The following HHIP variants were observed in gnomAD, a reference collection of about 807,000 sequenced individuals.
HHIP encodes hedgehog interacting protein.
HHIP carries 12 observed loss-of-function variants against 74.0 expected under a neutral mutation model. The observed-to-expected ratio is 0.16, with a 90% CI of 0.10 to 0.26. The LOEUF is 0.26. HHIP is among the 10% of genes least tolerant of loss of function. The pLI is 1.00. For missense variants in HHIP, 788 were observed against 845.0 expected (o/e 0.93, Z 0.84); for synonymous variants, 309 against 311.6 (o/e 0.99, Z 0.09).
rs112582092 is a variant in HHIP at position 144,729,601 on chromosome 4, T to C, written c.1761-5140T>C. Among the ~76,000 whole-genome samples, 1,047 of 152,302 alleles carry C rather than the reference T, an allele frequency of 6.9e-3. 15 individuals are homozygous for C. Among genetic ancestry groups the C allele is most frequent in the African/African-American group, 0.024 (998 of 41,564 alleles). On this transcript the variant is annotated intron_variant, in intron 11 of 12. Transcript: ENST00000296575. ...TCTGTGGAATGAGGATTTTGACTTATCAATTTTTCCTAACTCATGAGAATG... is the reference window on the plus strand; with the variant it reads ...TCTGTGGAATGAGGATTTTGACTTACCAATTTTTCCTAACTCATGAGAATG...
intron 2 of HHIP, among the ~76,000 whole-genome samples, chr4:144,656,416 T>G (rs187098554): frequency 2.8e-4 from 43 of 152,328 alleles, no homozygotes; most frequent in African/African-American, 1.0e-3. Context: ...TCTTTAGATA[T>G]TCCGTTTGAA....
At chr4:144,723,302 C>T (rs536579404) in intron 11 of HHIP, among the ~76,000 whole-genome samples, 76 of 152,274 alleles carry the variant, frequency 5.0e-4, no homozygotes, top group African/African-American at 1.8e-3. Context: ...TATCCCCAAT[C>T]TCCTCTGTGA....
chr4:144,724,940 G>A (rs952539950), intron 11 of HHIP, among the ~76,000 whole-genome samples: 17 of 151,838 alleles, frequency 1.1e-4, no homozygotes, highest in African/African-American at 4.1e-4. Context: ...AATGTGAATG[G>A]TGAAGAATAT....
chr4:144,684,170 C>T (rs1729417782), intron 4 of HHIP, among the ~76,000 whole-genome samples: 1 of 141,528 alleles, frequency 7.1e-6, no homozygotes, highest in Non-Finnish European at 1.5e-5. Context: ...GTCAGGAGTT[C>T]GAGACCATCC....
chr4:144,687,282 G>C (rs1353005462), intron 4 of HHIP, among the ~76,000 whole-genome samples: 1 of 152,120 alleles, frequency 6.6e-6, no homozygotes, highest in East Asian at 1.9e-4. Context: ...GAGAGTTTTG[G>C]AGTACAGGAG....
At chr4:144,709,746 C>T (rs1054520787) in intron 7 of HHIP, among the ~76,000 whole-genome samples, 69 of 152,054 alleles carry the variant, frequency 4.5e-4, no homozygotes, top group African/African-American at 1.6e-3. Flanking sequence ...CACCATCAGC[C>T]CCACTTCTCC....
chr4:144,719,427 C>A (rs2126671281), intron 11 of HHIP, among the ~76,000 whole-genome samples: 1 of 152,308 alleles, frequency 6.6e-6, no homozygotes, highest in Middle Eastern at 3.4e-3. Flanking sequence ...TGAAAGCTTG[C>A]AGTGCTCATG....
At position 144,718,885 on chromosome 4, in the gene HHIP, C is replaced by T. The variant is rs780144984; in HGVS notation, c.1689C>T (p.Tyr563=). ...TTCTTTCTTTAACAGGTGAAGTTTA[C>T]ATTTTATCAAGCAGTAAAAGTATGA... ...GFGEDELGEV[Y]ILSSSKSMTQ... The change falls in exon 11 of 13, where the codon TAC becomes TAT. Residue 563 remains tyrosine (Y), a synonymous_variant. Coordinates refer to ENST00000296575, the MANE Select transcript of HHIP (RefSeq NM_022475.3). 38 of 1,605,416 alleles carry T rather than the reference C, an allele frequency of 2.4e-5. No homozygotes were observed. In the Admixed American group the frequency reaches 6.0e-4, roughly 25 times the overall value.
rs34173170 is a variant in HHIP at position 144,721,594 on chromosome 4, GAA to G, written c.1760+2655_1760+2656del. Among the ~76,000 whole-genome samples the G allele has an allele frequency of 3.7e-3, 482 of 130,256 alleles. 4 individuals carry two copies. The highest frequency in any genetic ancestry group is 0.011 in the African/African-American group (389 of 34,144). 85.5% of individuals were successfully genotyped at this position (130,256 alleles called of 152,430 possible). ...GCCTAGAACTCAGGAGTTATTTAAG[GAA>G]AAAAAAAAAAAAAAAACTTCCAGGC... On this transcript the variant is annotated intron_variant, in intron 11 of 12. Transcript: ENST00000296575.
intron 4 of HHIP, among the ~76,000 whole-genome samples, chr4:144,682,458 G>A (rs1319668472): frequency 6.6e-6 from 1 of 152,142 alleles, no homozygotes; most frequent in Non-Finnish European, 1.5e-5. Flanking sequence ...AAGTAAAAGA[G>A]TATTTCAGGG....
intron 4 of HHIP, among the ~76,000 whole-genome samples, chr4:144,664,243 G>T (rs913265735): frequency 2.0e-5 from 3 of 152,196 alleles, no homozygotes; most frequent in Non-Finnish European, 4.4e-5. Flanking sequence ...GCTGCTAATT[G>T]TCCGGGTGAC....
At chr4:144,695,252 G>A (rs1297827576) in intron 4 of HHIP, among the ~76,000 whole-genome samples, 1 of 151,660 alleles carries the variant, frequency 6.6e-6, no homozygotes, top group African/African-American at 2.4e-5. Flanking sequence ...AACATAAATA[G>A]TATTTCCTTT....
At chr4:144,682,480 T>A (rs986092855) in intron 4 of HHIP, among the ~76,000 whole-genome samples, 2 of 152,224 alleles carry the variant, frequency 1.3e-5, no homozygotes, top group Non-Finnish European at 2.9e-5. Context: ...CTGTAATATA[T>A]GGGAAATCTC....
At chr4:144,647,106 T>C in intron 1 of HHIP, 152 bp downstream of exon 1, 1 of 635,338 alleles carries the variant, frequency 1.6e-6, no homozygotes, top group East Asian at 2.8e-5. Flanking sequence ...CGTGATTCCG[T>C]TGTGTGTTCC....
chr4:144,719,061 T>G (rs1160845698), intron 11 of HHIP, 105 bp downstream of exon 11: 2 of 749,628 alleles, frequency 2.7e-6, no homozygotes, highest in Non-Finnish European at 4.7e-6. Context: ...TCAGCCAAGA[T>G]GTACACTTTT....
intron 4 of HHIP, among the ~76,000 whole-genome samples, chr4:144,678,698 C>T (rs1251521708): frequency 6.6e-6 from 1 of 152,110 alleles, no homozygotes; most frequent in Non-Finnish European, 1.5e-5. Context: ...CAGCTTCATC[C>T]ATGTCCCTGC....
intron 11 of HHIP, among the ~76,000 whole-genome samples, chr4:144,726,279 C>A (rs1441539512): frequency 6.6e-6 from 1 of 151,618 alleles, no homozygotes; most frequent in Non-Finnish European, 1.5e-5. Context: ...AGATATAATC[C>A]AAGATTTCTG....
chr4:144,729,680 T>G (rs1468238281), intron 11 of HHIP, among the ~76,000 whole-genome samples: 3 of 152,306 alleles, frequency 2.0e-5, no homozygotes, highest in East Asian at 3.9e-4. Context: ...GCAAGGGTGC[T>G]CTTTTCCATG....
intron 2 of HHIP, among the ~76,000 whole-genome samples, chr4:144,656,802 T>C (rs1258754343): frequency 6.6e-6 from 1 of 152,170 alleles, no homozygotes; most frequent in Non-Finnish European, 1.5e-5. Context: ...CAATTTAGTT[T>C]TTTTTTTCTT....
Sources: allele counts gnomAD v4.1 joint callset (sites outside exome capture counted in the v4.1 genomes callset), GRCh38; gene constraint gnomAD v4.1.1; transcripts MANE v1.5; gene names NCBI Gene and HGNC (gene_info 2026-07-23, HGNC 2026-07-21).